HAGH: variants seen among roughly 807,000 people sequenced by gnomAD.
The protein encoded by HAGH is hydroxyacylglutathione hydrolase, mitochondrial.
HAGH carries 29 observed loss-of-function variants against 35.1 expected under a neutral mutation model. The observed-to-expected ratio is 0.83, with a 90% CI of 0.62 to 1.13. HAGH has a LOEUF of 1.13. Among genes scored for constraint, HAGH ranks in the 50% most tolerant of loss-of-function variants. The probability of loss-of-function intolerance (pLI) is 0.00; values close to 1 mark genes in which losing one functional copy is unlikely to be tolerated. For synonymous variants in HAGH, 225 were observed against 176.1 expected (o/e 1.28, Z -2.20); for missense variants, 478 against 419.6 (o/e 1.14, Z -1.22).
Position 1,822,362 on chromosome 16 carries a change from G to A in HAGH, c.252C>T (p.Val84=), listed in dbSNP as rs372218473. ...AIVDPVQPQK[V]VDAARKHGVK... Reference sequence around the variant, plus strand: ...CCCCGTGCTTTCTCGCCGCGTCCACGACCTGCAGTGGCCCCGGGGAAGGAC... The same window carrying A: ...CCCCGTGCTTTCTCGCCGCGTCCACAACCTGCAGTGGCCCCGGGGAAGGAC... Residue 84 remains valine, a splice_region_variant and synonymous_variant, in exon 3 of 9, where the codon GTC becomes GTT. Coordinates refer to ENST00000397356, the MANE Select transcript of HAGH (RefSeq NM_005326.6). 21 of 1,607,950 alleles carry A rather than the reference G, an allele frequency of 1.3e-5. No homozygotes were observed. Among genetic ancestry groups the A allele is most frequent in the Non-Finnish European group, 1.8e-5 (21 of 1,176,174 alleles).
chr16:1,807,710 G>GGT lies in HAGH; in HGVS notation c.*1572_*1573insAC. 1 of 152,244 alleles carries GGT rather than the reference G, an allele frequency of 6.6e-6. No homozygotes were observed. Among genetic ancestry groups the GGT allele is most frequent in the South Asian group, 2.1e-4 (1 of 4,836 alleles). 9.4% of individuals were successfully genotyped at this position (152,244 alleles called of 1,614,324 possible). On this transcript the variant is annotated 3_prime_UTR_variant, in exon 9 of 9. Transcript: ENST00000397356. ...AGAACAAACTCTTTGCGCTGGGGCGGGGGTAGTGGGAGAAGAAAGCCGGAG... is the reference window on the plus strand; with the variant it reads ...AGAACAAACTCTTTGCGCTGGGGCGGGTGGGTAGTGGGAGAAGAAAGCCGGAG...
rs142316416 is a variant in HAGH at position 1,820,971 on chromosome 16, A to G, written c.315-957T>C. ...GGGAACTAAAAAGCACCACAGTGTTAGAAAGAGACGTCTGCGGCGAGGCCG... is the reference window on the plus strand; with the variant it reads ...GGGAACTAAAAAGCACCACAGTGTTGGAAAGAGACGTCTGCGGCGAGGCCG... On this transcript the variant is annotated intron_variant, in intron 3 of 8. Coordinates refer to ENST00000397356, the MANE Select transcript of HAGH (RefSeq NM_005326.6). 6.6e-5 allele frequency among the ~76,000 whole-genome samples: 10 copies of G among 152,294 alleles called. No homozygotes were observed. The East Asian group carries it at 1.5e-3, about 24-fold the overall frequency.
At chr16:1,817,080 G>T in intron 6 of HAGH, 86 bp from the exon 7 acceptor site, 2 of 1,329,080 alleles carry the variant, frequency 1.5e-6, no homozygotes, top group Non-Finnish European at 2.2e-6. Context: ...CCCCCGGGGG[G>T]TGTCCGGTGA....
At position 1,822,349 on chromosome 16, in the gene HAGH, T is replaced by C. The variant is rs1467378626; in HGVS notation, c.265A>G (p.Arg89Gly). Residue 89 changes from arginine (R) to glycine (G), a missense_variant, in exon 3 of 9, where the codon AGA becomes GGA. Coordinates refer to ENST00000397356, the MANE Select transcript of HAGH (RefSeq NM_005326.6). ...VQPQKVVDAARKHGVKLTTVL... is the reference protein window; with the variant it reads ...VQPQKVVDAAGKHGVKLTTVL... ...GTGGTCAGTTTCACCCCGTGCTTTC[T>C]CGCCGCGTCCACGACCTGCAGTGGC... is the stretch of plus-strand genomic sequence containing the variant. 2 of 1,611,726 alleles carry C rather than the reference T, an allele frequency of 1.2e-6. No individual in the cohort carries two copies. Among genetic ancestry groups the C allele is most frequent in the South Asian group, 2.2e-5 (2 of 91,048 alleles).
At chr16:1,826,260 G>T (rs7187048) in intron 1 of HAGH, among the ~76,000 whole-genome samples, 19,667 of 151,460 alleles carry the variant, frequency 0.13, 1,292 homozygotes, top group South Asian at 0.14. Flanking sequence ...CCAGACGGGG[G>T]CTCCGGCGCC....
At chr16:1,814,364 C>T (rs11860201) in intron 7 of HAGH, among the ~76,000 whole-genome samples, 13,966 of 151,514 alleles carry the variant, frequency 0.092, 792 homozygotes, top group African/African-American at 0.16. Context: ...ATCCCAGCTA[C>T]TCGGGAGGCT....
chr16:1,823,103 T>C, intron 1 of HAGH, 66 bp from the exon 2 acceptor site: 1 of 1,381,192 alleles, frequency 7.2e-7, no homozygotes, highest in Non-Finnish European at 1.0e-6. Context: ...ACGCGCAAGC[T>C]GCAGTGCTTC....
At chr16:1,826,518 C>T in intron 1 of HAGH, 194 bp downstream of exon 1, 1 of 978,772 alleles carries the variant, frequency 1.0e-6, no homozygotes, top group African/African-American at 1.8e-5. Context: ...TAGCGCTTTC[C>T]GCACCCGCGG....
intron 4 of HAGH, among the ~76,000 whole-genome samples, chr16:1,819,623 CACCT>C (rs1898055189): frequency 6.6e-6 from 1 of 152,228 alleles, no homozygotes; most frequent in South Asian, 2.1e-4. Context: ...AGGGCCCTCC[CACCT>C]GTGTGCTGTG....
upstream of HAGH, chr16:1,826,996 C>G (rs1302197947): frequency 2.4e-5 from 16 of 657,628 alleles, no homozygotes; most frequent in Admixed American, 5.4e-4. Context: ...CTGGGAGCGG[C>G]GGCGGCGGCC....
Position 1,809,284 on chromosome 16 carries a change from C to T in HAGH, c.926G>A (p.Ter309=). The part of the protein sequence containing the change: ...EKDQFKMPRD[*] The stretch of plus-strand genomic sequence containing the variant: ...ATCCGCTGAAGGTGCAGGGCGGCCT[C>T]AGTCCCGGGGCATCTTGAACTGGTC... The change falls in exon 9 of 9, where the codon TGA becomes TAA. Residue 309 remains the stop codon, a stop_retained_variant. Transcript: ENST00000397356. 4 of 1,600,374 alleles carry T rather than the reference C, an allele frequency of 2.5e-6. No homozygotes were observed. Among genetic ancestry groups the T allele is most frequent in the Non-Finnish European group, 3.4e-6 (4 of 1,169,782 alleles).
At chr16:1,816,843 G>A (rs369486120) in intron 7 of HAGH, 50 bp downstream of exon 7, 18 of 1,147,348 alleles carry the variant, frequency 1.6e-5, no homozygotes, top group East Asian at 2.3e-5. Flanking sequence ...TGTGCACAGC[G>A]GCCCTGAGCA....
intron 7 of HAGH, 148 bp downstream of exon 7, chr16:1,816,745 G>A: frequency 1.6e-6 from 1 of 634,720 alleles, no homozygotes; most frequent in East Asian, 2.7e-5. Context: ...GGTTTGCCGT[G>A]CAGGGCGAGC....
chr16:1,814,126 T>A (rs1210856134), intron 7 of HAGH, among the ~76,000 whole-genome samples: 1 of 152,182 alleles, frequency 6.6e-6, no homozygotes, highest in Non-Finnish European at 1.5e-5. Flanking sequence ...GAGAAAGTCT[T>A]TGTGAGCTAA....
At chr16:1,809,918 C>CT in intron 7 of HAGH, 85 bp from the exon 8 acceptor site, 5 of 965,530 alleles carry the variant, frequency 5.2e-6, no homozygotes, top group Non-Finnish European at 8.3e-6. Flanking sequence ...GATACCAGCA[C>CT]TTTGGGAGGC....
chr16:1,825,821 G>A (rs372896436), intron 1 of HAGH, among the ~76,000 whole-genome samples: 38 of 152,248 alleles, frequency 2.5e-4, no homozygotes, highest in African/African-American at 8.2e-4. Context: ...CGATCCTCCC[G>A]CCTCGGCCTC....
Position 1,808,262 on chromosome 16 carries a change from C to T in HAGH, c.*1021G>A, listed in dbSNP as rs1897484333. 1 of 152,088 alleles carries T rather than the reference C, an allele frequency of 6.6e-6. No individual in the cohort carries two copies. Among genetic ancestry groups the T allele is most frequent in the Non-Finnish European group, 1.5e-5 (1 of 68,048 alleles). 9.4% of individuals were successfully genotyped at this position (152,088 alleles called of 1,614,324 possible). On this transcript the variant is annotated 3_prime_UTR_variant, in exon 9 of 9. Coordinates refer to ENST00000397356, the MANE Select transcript of HAGH (RefSeq NM_005326.6). ...AGCTAGGACTACAGCTGCACACCAC[C>T]CTGCCCAGGTAACTTTTTAAAAAGA...
At chr16:1,822,123 A>G in intron 3 of HAGH, 177 bp downstream of exon 3, 1 of 604,410 alleles carries the variant, frequency 1.7e-6, no homozygotes, top group South Asian at 1.9e-5. Flanking sequence ...GTCACTGAGC[A>G]CCAGACTTGC....
intron 1 of HAGH, among the ~76,000 whole-genome samples, chr16:1,823,239 C>A (rs1898234554): frequency 6.6e-6 from 1 of 151,174 alleles, no homozygotes; most frequent in Non-Finnish European, 1.5e-5. Context: ...TGAGACCAGC[C>A]TGGGCAACAT....
Sources: allele counts gnomAD v4.1 joint callset (sites outside exome capture counted in the v4.1 genomes callset), GRCh38; gene constraint gnomAD v4.1.1; transcripts MANE v1.5; gene names NCBI Gene and HGNC (gene_info 2026-07-23, HGNC 2026-07-21).